TTLL7: variants seen among roughly 807,000 people sequenced by gnomAD.
TTLL7 encodes tubulin polyglutamylase TTLL7.
A neutral mutation model predicts 120.2 loss-of-function variants in TTLL7; 53 were observed. The ratio of observed to expected loss-of-function variants is 0.44; its 90% CI spans 0.35 to 0.55. The LOEUF (loss-of-function observed/expected upper bound fraction) is 0.55. TTLL7 is among the 20% of genes least tolerant of loss of function. TTLL7 has a pLI of 0.00. For synonymous variants in TTLL7, 353 were observed against 351.7 expected, an observed-to-expected ratio of 1.00 and a Z score of -0.04; for missense variants, 803 against 1,054.7, an observed-to-expected ratio of 0.76 and a Z score of 3.31.
intron 1 of TTLL7, among the ~76,000 whole-genome samples, chr1:83,958,609 T>C (rs1423854033): frequency 1.3e-5 from 2 of 152,226 alleles, no homozygotes; most frequent in South Asian, 4.1e-4. Flanking sequence ...ATTAATTTCA[T>C]TAAATTTCAG....
At chr1:83,921,007 G>C in intron 12 of TTLL7, 80 bp downstream of exon 12, 1 of 1,415,328 alleles carries the variant, frequency 7.1e-7, no homozygotes, top group Middle Eastern at 2.4e-4. Context: ...CTTAAAATAA[G>C]CACACAAGAT....
In TTLL7 at chr1:83,907,572, T is replaced by C. The variant is rs959596318; in HGVS notation, c.1876A>G (p.Met626Val). 1.4e-5 allele frequency: 22 copies of C among 1,613,208 alleles called. No homozygotes were observed. The highest frequency in any genetic ancestry group is 9.4e-5 in the African/African-American group (7 of 74,842). Residue 626 changes from methionine to valine, a missense_variant, in exon 16 of 21, where the codon ATG becomes GTG. Physicochemically the swap from Met to Val is conservative, Grantham distance 21. Transcript: ENST00000260505. ...GAAGTTGGCCGTGACACAGATATCATTTGTTGAGCAGAAAATGGGCGGGTG... is the reference window on the plus strand; with the variant it reads ...GAAGTTGGCCGTGACACAGATATCACTTGTTGAGCAGAAAATGGGCGGGTG... Reference protein sequence around the residue: ...GDTRPFSAQQMISVSRPTSAS... With the variant: ...GDTRPFSAQQVISVSRPTSAS...
intron 9 of TTLL7, among the ~76,000 whole-genome samples, chr1:83,931,734 T>TA (rs1373219851): frequency 3.3e-5 from 5 of 152,088 alleles, no homozygotes; most frequent in Non-Finnish European, 5.9e-5. Context: ...ATGTTTTTCC[T>TA]AAAAAAATGT....
Position 83,947,263 on chromosome 1 carries a change from G to A in TTLL7, c.367C>T (p.Leu123=). Residue 123 remains leucine (L), a synonymous_variant, in exon 6 of 21, where the codon CTG becomes TTG. Transcript: ENST00000260505. The part of the protein sequence containing the change: ...NMTKMIKSRP[L]DYTFVPRTWI... ...GTTCGAGGAACAAAGGTATAATCCAGAGGCCGAGACTTGATCATTCTGTAA... is the reference window on the plus strand; with the variant it reads ...GTTCGAGGAACAAAGGTATAATCCAAAGGCCGAGACTTGATCATTCTGTAA... 1 of 1,608,706 alleles carries A rather than the reference G, an allele frequency of 6.2e-7. No individual in the cohort carries two copies. The highest frequency in any genetic ancestry group is 1.1e-5 in the South Asian group (1 of 89,618).
intron 20 of TTLL7, among the ~76,000 whole-genome samples, chr1:83,878,063 C>G (rs1031770136): frequency 1.3e-5 from 2 of 151,608 alleles, no homozygotes; most frequent in Non-Finnish European, 2.9e-5. Context: ...CCATTATAAT[C>G]TCTTATTTGA....
chr1:83,881,317 G>C (rs1273176110), intron 20 of TTLL7, among the ~76,000 whole-genome samples: 1 of 149,974 alleles, frequency 6.7e-6, no homozygotes, highest in African/African-American at 2.4e-5. Flanking sequence ...CTACAAAATG[G>C]GAGAAAATTT....
intron 19 of TTLL7, among the ~76,000 whole-genome samples, chr1:83,885,352 T>C (rs1654888874): frequency 6.6e-6 from 1 of 152,034 alleles, no homozygotes; most frequent in Non-Finnish European, 1.5e-5. Flanking sequence ...AGATCACTCA[T>C]ATTATGGTAA....
At chr1:83,966,941 C>A (rs1650513066) in intron 1 of TTLL7, among the ~76,000 whole-genome samples, 1 of 152,012 alleles carries the variant, frequency 6.6e-6, no homozygotes. Flanking sequence ...AAAACATAGA[C>A]AATGAGGGCT....
intron 1 of TTLL7, among the ~76,000 whole-genome samples, chr1:83,966,093 C>A (rs72936289): frequency 6.6e-6 from 1 of 152,046 alleles, no homozygotes; most frequent in Non-Finnish European, 1.5e-5. Flanking sequence ...ACTTTGTAGA[C>A]GAAATTAACA....
intron 18 of TTLL7, among the ~76,000 whole-genome samples, chr1:83,898,243 C>T (rs1234185296): frequency 1.3e-5 from 2 of 151,898 alleles, no homozygotes; most frequent in Admixed American, 6.6e-5. Context: ...AAGAATACCC[C>T]ATATGAAGAA....
Position 83,947,429 on chromosome 1 carries a change from G to T in TTLL7, c.348-147C>A, listed in dbSNP as rs1405596128. ...CATTGATTTCATTCATTCAACAAAT[G>T]TCTACTGAGCACCTATTAAGTGTTA... is the stretch of plus-strand genomic sequence containing the variant. On this transcript the variant is annotated intron_variant, in intron 5 of 20. Transcript: ENST00000260505. 6 of 694,600 alleles carry T rather than the reference G, an allele frequency of 8.6e-6. No individual in the cohort carries two copies. In the African/African-American group the frequency reaches 9.3e-5, roughly 11 times the overall value. 43.0% of individuals were successfully genotyped at this position (694,600 alleles called of 1,614,324 possible).
At chr1:83,948,950 G>A (rs1305512383) in intron 4 of TTLL7, 3 of 291,064 alleles carry the variant, frequency 1.0e-5, no homozygotes, top group Non-Finnish European at 1.9e-5. Context: ...TAATTTTCTA[G>A]GTTGAATAGT....
At chr1:83,871,540 T>C (rs1188995756) in intron 20 of TTLL7, among the ~76,000 whole-genome samples, 1 of 152,114 alleles carries the variant, frequency 6.6e-6, no homozygotes, top group African/African-American at 2.4e-5. Flanking sequence ...TCGTAATTAG[T>C]CTTGGGAAAT....
intron 1 of TTLL7, among the ~76,000 whole-genome samples, chr1:83,972,915 T>G (rs1016947128): frequency 6.6e-6 from 1 of 152,030 alleles, no homozygotes; most frequent in Non-Finnish European, 1.5e-5. Flanking sequence ...ATTGTTTGAG[T>G]TGTTTGTTTT....
At chr1:83,946,570 A>C (rs1648527405) in intron 6 of TTLL7, among the ~76,000 whole-genome samples, 1 of 152,198 alleles carries the variant, frequency 6.6e-6, no homozygotes. Context: ...GCAGTGCAAT[A>C]TTACTTACAC....
intron 9 of TTLL7, among the ~76,000 whole-genome samples, chr1:83,933,182 G>GA (rs1659749898): frequency 6.6e-6 from 1 of 151,982 alleles, no homozygotes; most frequent in Non-Finnish European, 1.5e-5. Flanking sequence ...ACTGATTAAT[G>GA]AACCAATTGG....
At chr1:83,907,348 T>C in intron 16 of TTLL7, 108 bp downstream of exon 16, 1 of 963,318 alleles carries the variant, frequency 1.0e-6, no homozygotes, top group Non-Finnish European at 1.6e-6. Flanking sequence ...GGTCATGAGT[T>C]GAATTATGGA....
Position 83,868,649 on chromosome 1 carries a change from A to T in TTLL7, c.*1313T>A, listed in dbSNP as rs1478652523. ...AATATAAGTTGATTTCAACCTTGAGAGATTTATAAAAATAAGTTTGTCTCA... is the reference window on the plus strand; with the variant it reads ...AATATAAGTTGATTTCAACCTTGAGTGATTTATAAAAATAAGTTTGTCTCA... On this transcript the variant is annotated 3_prime_UTR_variant, in exon 21 of 21. Coordinates refer to ENST00000260505, the MANE Select transcript of TTLL7 (RefSeq NM_024686.6). The T allele has an allele frequency of 6.6e-6, 1 of 152,198 alleles. No homozygotes were observed. The highest frequency in any genetic ancestry group is 1.5e-5 in the Non-Finnish European group (1 of 68,024). 9.4% of individuals were successfully genotyped at this position (152,198 alleles called of 1,614,324 possible). A position where few individuals can be genotyped will look rare whatever the true frequency, so the allele number is the denominator to read the frequency against.
intron 17 of TTLL7, among the ~76,000 whole-genome samples, chr1:83,905,659 G>A (rs1040086956): frequency 2.0e-5 from 3 of 151,490 alleles, no homozygotes; most frequent in Non-Finnish European, 2.9e-5. Flanking sequence ...CTGAAGGAAC[G>A]AAAAGGATGT....
Sources: gnomAD v4.1 joint callset for allele counts (sites outside exome capture counted in the v4.1 genomes callset) on GRCh38, gnomAD v4.1.1 for gene constraint, MANE v1.5 for transcripts, NCBI Gene and HGNC (gene_info 2026-07-23, HGNC 2026-07-21) for gene names.